AGMO: variants seen among roughly 807,000 people sequenced by gnomAD.
AGMO encodes alkylglycerol monooxygenase, also known as glyceryl-ether monooxygenase.
Under a neutral mutation model 60.2 loss-of-function variants are expected in AGMO, and 75 were observed. That is an observed-to-expected ratio of 1.25 (90% confidence interval 1.03 to 1.51). AGMO has a LOEUF of 1.51. AGMO is among the 40% of genes most tolerant of loss of function. The pLI is 0.00. For synonymous variants in AGMO, 261 were observed against 177.1 expected (o/e 1.47, Z -3.76); for missense variants, 763 against 525.5 (o/e 1.45, Z -4.42).
At chr7:15,157,756 C>T in the AGMO span, among the ~76,000 whole-genome samples, 1 of 152,202 alleles carries the variant, frequency 6.6e-6, no homozygotes, top group South Asian at 2.1e-4. Context: ...TATTTCTCGA[C>T]CTTATTTCTC....
Position 15,201,047 on chromosome 7 carries a change from T to A in AGMO, c.*238A>T. 2.9e-6 allele frequency: 1 copy of A among 340,014 alleles called. No individual in the cohort carries two copies. The allele number at this position is 340,014 out of a possible 1,614,324, so 21.1% of individuals were successfully genotyped here. ...TATAAGGCTATCAGTTAATATAACATCATTATATTTGAAATCTTTTTTTAA... is the reference window on the plus strand; with the variant it reads ...TATAAGGCTATCAGTTAATATAACAACATTATATTTGAAATCTTTTTTTAA... On this transcript the variant is annotated 3_prime_UTR_variant, in exon 13 of 13. Transcript: ENST00000342526.
At chr7:15,341,224 C>T (rs985780019) in intron 12 of AGMO, among the ~76,000 whole-genome samples, 2 of 152,176 alleles carry the variant, frequency 1.3e-5, no homozygotes, top group African/African-American at 2.4e-5. Flanking sequence ...TTCTTTTCTA[C>T]TGCATCATTA....
At chr7:15,260,214 A>C (rs1394384945) in intron 12 of AGMO, among the ~76,000 whole-genome samples, 1 of 131,190 alleles carries the variant, frequency 7.6e-6, no homozygotes, top group Non-Finnish European at 1.6e-5. Flanking sequence ...AGAGCGAGGA[A>C]AAAAAAAAAA....
At chr7:15,262,573 C>G (rs757672007) in intron 12 of AGMO, among the ~76,000 whole-genome samples, 5 of 151,834 alleles carry the variant, frequency 3.3e-5, no homozygotes, top group Non-Finnish European at 5.9e-5. Context: ...CAATTTCCAT[C>G]AGAATACCAT....
chr7:15,234,669 G>A lies in AGMO; in HGVS notation c.1264-33310C>T, dbSNP rs759356841. On this transcript the variant is annotated intron_variant, in intron 12 of 12. Coordinates refer to ENST00000342526, the MANE Select transcript of AGMO (RefSeq NM_001004320.2). ...AGGCTTAGCAGGCCATATGGTCTTG[G>A]TCACAACTACTCAACTATGCCATGA... 2.0e-5 allele frequency among the ~76,000 whole-genome samples: 3 copies of A among 152,164 alleles called. No homozygotes were observed. In the South Asian group the frequency reaches 6.2e-4, roughly 32 times the overall value.
the AGMO span, among the ~76,000 whole-genome samples, chr7:15,140,305 A>G: frequency 6.6e-6 from 1 of 152,114 alleles, no homozygotes; most frequent in Non-Finnish European, 1.5e-5. Context: ...AACAACTGTC[A>G]GTCAAATTAA....
chr7:15,538,333 G>T (rs946638560), intron 3 of AGMO, among the ~76,000 whole-genome samples: 1 of 152,080 alleles, frequency 6.6e-6, no homozygotes, highest in Non-Finnish European at 1.5e-5. Context: ...CCTGGGCTCA[G>T]GTGATCTTAC....
At chr7:15,281,231 A>G (rs925814689) in intron 12 of AGMO, among the ~76,000 whole-genome samples, 4 of 152,054 alleles carry the variant, frequency 2.6e-5, no homozygotes, top group Non-Finnish European at 4.4e-5. Flanking sequence ...TTCCACCCCA[A>G]TAGTCAGGCA....
At chr7:15,533,530 T>G (rs1370092767) in intron 3 of AGMO, among the ~76,000 whole-genome samples, 1 of 152,110 alleles carries the variant, frequency 6.6e-6, no homozygotes, top group Non-Finnish European at 1.5e-5. Flanking sequence ...TCATTTACAT[T>G]CTTTGTTTTC....
intron 12 of AGMO, among the ~76,000 whole-genome samples, chr7:15,303,211 A>G (rs1655915627): frequency 1.3e-5 from 2 of 152,204 alleles, no homozygotes; most frequent in African/African-American, 2.4e-5. Context: ...ACTTTATAAT[A>G]TGCTGAAAAT....
chr7:15,467,183 A>G (rs752171008), intron 3 of AGMO, among the ~76,000 whole-genome samples: 36 of 152,164 alleles, frequency 2.4e-4, no homozygotes, highest in Non-Finnish European at 1.6e-4. Flanking sequence ...AGACAACAAT[A>G]AAATGTTGTA....
chr7:15,216,285 GTC>G (rs1433072844), intron 12 of AGMO, among the ~76,000 whole-genome samples: 1 of 152,100 alleles, frequency 6.6e-6, no homozygotes, highest in East Asian at 1.9e-4. Context: ...ATCAAACCCT[GTC>G]TCTGTTCTTG....
chr7:15,356,953 C>CAAAAA (rs917201250), intron 12 of AGMO, among the ~76,000 whole-genome samples: 2 of 68,922 alleles, frequency 2.9e-5, no homozygotes, highest in African/African-American at 1.1e-4. Context: ...ACTAAAATTA[C>CAAAAA]AAAAAAAAAA....
chr7:15,548,044 C>T (rs1326311691), intron 2 of AGMO, among the ~76,000 whole-genome samples: 1 of 150,878 alleles, frequency 6.6e-6, no homozygotes, highest in Non-Finnish European at 1.5e-5. Context: ...AGGCACCCCC[C>T]AGCAGGGGCA....
intron 12 of AGMO, among the ~76,000 whole-genome samples, chr7:15,266,707 T>C (rs1300569274): frequency 6.6e-6 from 1 of 151,838 alleles, no homozygotes; most frequent in African/African-American, 2.4e-5. Flanking sequence ...ATTATTCTCC[T>C]CACTGATATA....
the AGMO span, among the ~76,000 whole-genome samples, chr7:15,122,044 A>G: frequency 6.6e-6 from 1 of 152,180 alleles, no homozygotes; most frequent in Non-Finnish European, 1.5e-5. Context: ...GACAAAAGCT[A>G]AAATTGACAA....
chr7:15,276,891 C>CTTTTTTTTTT (rs34137663), intron 12 of AGMO, among the ~76,000 whole-genome samples: 1 of 139,382 alleles, frequency 7.2e-6, no homozygotes, highest in Non-Finnish European at 1.5e-5. Flanking sequence ...GCCATTTTTC[C>CTTTTTTTTTT]TTTTTTTTTT....
chr7:15,244,222 C>T (rs980600694), intron 12 of AGMO, among the ~76,000 whole-genome samples: 2 of 152,056 alleles, frequency 1.3e-5, no homozygotes, highest in African/African-American at 4.8e-5. Context: ...AGAAAATAAA[C>T]ATTCTCAATG....
At chr7:15,283,442 T>A (rs1784022252) in intron 12 of AGMO, among the ~76,000 whole-genome samples, 1 of 151,932 alleles carries the variant, frequency 6.6e-6, no homozygotes, top group South Asian at 2.1e-4. Flanking sequence ...TGTTCTTATA[T>A]CTGATCAAAA....
Sources: allele counts gnomAD v4.1 joint callset (sites outside exome capture counted in the v4.1 genomes callset), GRCh38; gene constraint gnomAD v4.1.1; transcripts MANE v1.5; gene names NCBI Gene and HGNC (gene_info 2026-07-23, HGNC 2026-07-21).